The following RORA variants were observed in gnomAD, a reference collection of about 807,000 sequenced individuals.
RORA encodes the protein RAR related orphan receptor A.
RORA carries 7 observed loss-of-function variants against 69.5 expected under a neutral mutation model. The ratio of observed to expected loss-of-function variants is 0.10; its 90% CI spans 0.06 to 0.19. The LOEUF is 0.19. Ranked by LOEUF, RORA falls within the 10% of genes least tolerant of loss-of-function variation. The pLI, the probability that RORA is intolerant of heterozygous loss-of-function variation, is 1.00. For synonymous variants in RORA, 261 were observed against 240.8 expected (o/e 1.08, Z -0.78); for missense variants, 457 against 663.0 (o/e 0.69, Z 3.41).
At chr15:61,042,971 T>G (rs1290062343) in intron 1 of RORA, among the ~76,000 whole-genome samples, 1 of 152,180 alleles carries the variant, frequency 6.6e-6, no homozygotes, top group Non-Finnish European at 1.5e-5. Flanking sequence ...ATGCATATCC[T>G]TCATCCTGCT....
intron 1 of RORA, among the ~76,000 whole-genome samples, chr15:60,692,176 A>G (rs1000684306): frequency 5.9e-5 from 9 of 152,380 alleles, no homozygotes; most frequent in African/African-American, 2.2e-4. Flanking sequence ...AGCTGGGATC[A>G]GTTGGAATAG....
chr15:60,773,326 T>C (rs2072106619), intron 1 of RORA, among the ~76,000 whole-genome samples: 1 of 152,202 alleles, frequency 6.6e-6, no homozygotes, highest in African/African-American at 2.4e-5. Flanking sequence ...TTTTTCTCTC[T>C]TTCTCTTGCT....
At chr15:61,080,672 C>T (rs1299001590) in intron 1 of RORA, among the ~76,000 whole-genome samples, 5 of 152,278 alleles carry the variant, frequency 3.3e-5, no homozygotes, top group East Asian at 3.9e-4. Context: ...GTCAGCTGCT[C>T]GTCCTGCACA....
chr15:60,805,750 C>A (rs1480054772), intron 1 of RORA, among the ~76,000 whole-genome samples: 4 of 152,206 alleles, frequency 2.6e-5, no homozygotes, highest in African/African-American at 9.6e-5. Context: ...GGATTCCAGT[C>A]CTGGTTTTGC....
At chr15:61,033,197 A>G (rs1361263508) in intron 1 of RORA, among the ~76,000 whole-genome samples, 3 of 152,282 alleles carry the variant, frequency 2.0e-5, no homozygotes, top group South Asian at 2.1e-4. Flanking sequence ...GTCTATGGCT[A>G]CAAAACAAAC....
At chr15:60,873,413 C>T (rs2073580926) in intron 1 of RORA, among the ~76,000 whole-genome samples, 1 of 152,064 alleles carries the variant, frequency 6.6e-6, no homozygotes, top group Admixed American at 6.6e-5. Context: ...CAGAAGTATG[C>T]AGGTACTTCT....
chr15:60,939,931 T>C (rs12905416), intron 1 of RORA, among the ~76,000 whole-genome samples: 33,560 of 152,156 alleles, frequency 0.22, 4,008 homozygotes, highest in Middle Eastern at 0.31. Flanking sequence ...GGATACTGCA[T>C]TTTGTTGCAC....
intron 1 of RORA, among the ~76,000 whole-genome samples, chr15:61,024,033 G>C (rs1595886301): frequency 6.6e-6 from 1 of 152,166 alleles, no homozygotes; most frequent in African/African-American, 2.4e-5. Flanking sequence ...CGAGTGTTGG[G>C]AGTTGATTAC....
Position 60,511,677 on chromosome 15 carries a change from C to G in RORA, c.425-56G>C, listed in dbSNP as rs548166179. On this transcript the variant is annotated intron_variant, in intron 4 of 10. Transcript: ENST00000335670. The surrounding 1 kb of genome is among the most constrained non-coding windows in gnomAD (Gnocchi z 6.4). ...ACAATGCGCTTTTCTTCAATATTCT[C>G]TCCTGCGAGCTTTGGGGTTTCCTTT... 47 of 1,507,014 alleles carry G rather than the reference C, an allele frequency of 3.1e-5. No homozygotes were observed. Among genetic ancestry groups the G allele is most frequent in the African/African-American group, 2.4e-4 (17 of 71,526 alleles). The allele number at this position is 1,507,014 out of a possible 1,614,324, so 93.4% of individuals were successfully genotyped here.
intron 2 of RORA, among the ~76,000 whole-genome samples, chr15:60,643,711 T>C (rs1339608782): frequency 6.6e-6 from 1 of 152,214 alleles, no homozygotes; most frequent in Non-Finnish European, 1.5e-5. Context: ...CCTTTGCCTT[T>C]CATTAGAATT....
chr15:60,949,725 T>C (rs1169991561), intron 1 of RORA, among the ~76,000 whole-genome samples: 2 of 152,248 alleles, frequency 1.3e-5, no homozygotes, highest in Non-Finnish European at 2.9e-5. Context: ...CACTCCCACA[T>C]ATCTTTAGCA....
intron 1 of RORA, among the ~76,000 whole-genome samples, chr15:60,897,960 C>G (rs1288684462): frequency 1.3e-5 from 2 of 152,204 alleles, no homozygotes; most frequent in African/African-American, 4.8e-5. Context: ...TTCCCTCCAC[C>G]TTTACCTCCT....
Position 60,626,704 on chromosome 15 carries a change from G to A in RORA, c.196+51953C>T, listed in dbSNP as rs142793368. Reference sequence around the variant, plus strand: ...GAGTGGGTGGGCCGCACAGAAACAGGATCGGGAAAATCTGCTGCTCTCTTG... The same window carrying A: ...GAGTGGGTGGGCCGCACAGAAACAGAATCGGGAAAATCTGCTGCTCTCTTG... On this transcript the variant is annotated intron_variant, in intron 2 of 10. Transcript: ENST00000335670. 1.2e-3 allele frequency among the ~76,000 whole-genome samples: 178 copies of A among 152,194 alleles called. No individual in the cohort carries two copies. In the East Asian group the frequency reaches 0.031, roughly 26 times the overall value.
At chr15:61,153,168 G>C (rs186375482) in intron 1 of RORA, among the ~76,000 whole-genome samples, 144 of 152,302 alleles carry the variant, frequency 9.5e-4, no homozygotes, top group African/African-American at 3.4e-3. Flanking sequence ...ATTGGAAGGA[G>C]AGGATTCCGG....
At chr15:60,541,723 A>G (rs2066878315) in intron 2 of RORA, among the ~76,000 whole-genome samples, 1 of 152,204 alleles carries the variant, frequency 6.6e-6, no homozygotes, top group Admixed American at 6.5e-5. Flanking sequence ...TCTGAGCATC[A>G]ATGCACACAC....
intron 1 of RORA, among the ~76,000 whole-genome samples, chr15:61,081,239 T>C (rs190642848): frequency 5.3e-5 from 8 of 152,256 alleles, no homozygotes; most frequent in Admixed American, 5.2e-4. Context: ...TGGAGAGAGC[T>C]TCTCTGACTA....
chr15:60,916,664 A>T (rs572199883), intron 1 of RORA, among the ~76,000 whole-genome samples: 12 of 152,308 alleles, frequency 7.9e-5, no homozygotes, highest in African/African-American at 2.6e-4. Flanking sequence ...ACATTCAATT[A>T]AATCAGAAAA....
chr15:60,647,595 G>A (rs1167153856), intron 2 of RORA, among the ~76,000 whole-genome samples: 1 of 152,206 alleles, frequency 6.6e-6, no homozygotes, highest in East Asian at 1.9e-4. Flanking sequence ...CTGGGTGACT[G>A]CCTTGGAAAA....
At chr15:61,040,142 ATAT>A (rs1896681603) in intron 1 of RORA, among the ~76,000 whole-genome samples, 2 of 119,230 alleles carry the variant, frequency 1.7e-5, no homozygotes, top group African/African-American at 6.1e-5. Flanking sequence ...ATATATATAT[ATAT>A]ATATATATAT....
Sources: allele counts gnomAD v4.1 joint callset (sites outside exome capture counted in the v4.1 genomes callset), GRCh38; gene constraint gnomAD v4.1.1; non-coding constraint Gnocchi (gnomAD v3.1); transcripts MANE v1.5; gene names NCBI Gene and HGNC (gene_info 2026-07-23, HGNC 2026-07-21).